Variants in ADSS1 observed in about 807,000 individuals in gnomAD.
ADSS1 encodes the protein adenylosuccinate synthetase isozyme 1.
In ADSS1, 57 loss-of-function variants were observed where a neutral mutation model predicts 59.1. That is an observed-to-expected ratio of 0.97 (90% CI 0.78 to 1.20). The LOEUF (loss-of-function observed/expected upper bound fraction) is 1.20. ADSS1 is among the 50% of genes most tolerant of loss of function. The pLI, the probability that ADSS1 is intolerant of heterozygous loss-of-function variation, is 0.00. For synonymous variants in ADSS1, 247 were observed against 249.4 expected (o/e 0.99, Z 0.09); for missense variants, 603 against 610.3 (o/e 0.99, Z 0.13).
chr14:104,746,115 C>A, intron 11 of ADSS1, 121 bp from the exon 12 acceptor site: 2 of 1,353,378 alleles, frequency 1.5e-6, no homozygotes, highest in Non-Finnish European at 2.0e-6. Flanking sequence ...TTGCTGCCTT[C>A]CTTGCAGCTG....
In ADSS1 at chr14:104,732,273, C is replaced by A. The variant is rs141594802; in HGVS notation, c.193-2747C>A. On this transcript the variant is annotated intron_variant, in intron 1 of 12. Coordinates refer to ENST00000330877, the MANE Select transcript of ADSS1 (RefSeq NM_152328.5). Reference sequence around the variant, plus strand: ...CCTTTGTTCCCCTTTGTCCAGCCCTCCTTGGATGCCTTTGCTGTGGGAATC... The same window carrying A: ...CCTTTGTTCCCCTTTGTCCAGCCCTACTTGGATGCCTTTGCTGTGGGAATC... 5.7e-3 allele frequency among the ~76,000 whole-genome samples: 871 copies of A among 152,300 alleles called. 6 individuals are homozygous for A. The highest frequency in any genetic ancestry group is 0.028 in the South Asian group (133 of 4,828).
At chr14:104,727,040 TGGCCCCTGGC>T (rs1227837917) in intron 1 of ADSS1, among the ~76,000 whole-genome samples, 2 of 152,278 alleles carry the variant, frequency 1.3e-5, no homozygotes, top group East Asian at 3.9e-4. Flanking sequence ...AGCCCCCTGG[TGGCCCCTGGC>T]ACTTGGCAAG....
chr14:104,743,334 C>T (rs866432178), intron 10 of ADSS1, 143 bp downstream of exon 10: 5 of 1,277,910 alleles, frequency 3.9e-6, no homozygotes, highest in Middle Eastern at 1.9e-4. Context: ...TTCCACAAAG[C>T]ACGGCCCAGA....
rs766559463 is a variant in ADSS1, at chr14:104,735,084, C to T, written c.257C>T (p.Pro86Leu). Reference sequence around the variant, plus strand: ...AAAGAGTACGACTTCCACCTGCTGCCCAGCGGCATCATCAACACCAAGGCC... The same window carrying T: ...AAAGAGTACGACTTCCACCTGCTGCTCAGCGGCATCATCAACACCAAGGCC... ...DGKEYDFHLL[P>L]SGIINTKAVS... Residue 86 changes from proline to leucine, a missense_variant, in exon 2 of 13, where the codon CCC becomes CTC. Coordinates refer to ENST00000330877, the MANE Select transcript of ADSS1 (RefSeq NM_152328.5). 2.5e-5 allele frequency: 40 copies of T among 1,613,172 alleles called. No homozygotes were observed. Among genetic ancestry groups the T allele is most frequent in the Non-Finnish European group, 3.4e-5 (40 of 1,179,598 alleles).
intron 1 of ADSS1, chr14:104,729,849 G>A: frequency 8.1e-7 from 1 of 1,230,460 alleles, no homozygotes; most frequent in Non-Finnish European, 1.1e-6. Context: ...GCGTCGTGGG[G>A]AGGAGCGTGG....
intron 2 of ADSS1, 60 bp from the exon 3 acceptor site, chr14:104,738,316 T>C (rs1891201693): frequency 6.4e-7 from 1 of 1,574,302 alleles, no homozygotes; most frequent in African/African-American, 1.3e-5. Flanking sequence ...CTGTTCTTAA[T>C]GTATGTTTTC....
intron 1 of ADSS1, among the ~76,000 whole-genome samples, chr14:104,729,361 G>A (rs547951514): frequency 6.6e-6 from 1 of 152,180 alleles, no homozygotes; most frequent in Non-Finnish European, 1.5e-5. Flanking sequence ...GCTGGGACCC[G>A]CACGGGTGAC....
At chr14:104,745,076 G>T in intron 11 of ADSS1, 167 bp downstream of exon 11, 1 of 636,558 alleles carries the variant, frequency 1.6e-6, no homozygotes, top group Admixed American at 2.6e-5. Flanking sequence ...CCTCTCACGG[G>T]TTTCTCCCCA....
At chr14:104,731,952 G>A (rs1384501514) in intron 1 of ADSS1, among the ~76,000 whole-genome samples, 2 of 152,220 alleles carry the variant, frequency 1.3e-5, no homozygotes, top group African/African-American at 2.4e-5. Flanking sequence ...GACCGGTGGG[G>A]CTGGAGGCAC....
At chr14:104,727,312 A>C in intron 1 of ADSS1, among the ~76,000 whole-genome samples, 1 of 148,600 alleles carries the variant, frequency 6.7e-6, no homozygotes, top group African/African-American at 2.5e-5. Flanking sequence ...TGCATCCCCC[A>C]CCTTCTGACC....
At chr14:104,743,834 C>T (rs972343446) in intron 10 of ADSS1, among the ~76,000 whole-genome samples, 3 of 152,246 alleles carry the variant, frequency 2.0e-5, no homozygotes, top group African/African-American at 7.2e-5. Context: ...GAGGGTGTGG[C>T]GTCTGGGATC....
rs886088214 is a variant in ADSS1 at position 104,727,207 on chromosome 14, G to A, written c.192+2745G>A. Among the ~76,000 whole-genome samples the A allele has an allele frequency of 2.3e-4, 35 of 152,276 alleles. 1 individual carries two copies. Among genetic ancestry groups the A allele is most frequent in the Admixed American group, 1.7e-3 (26 of 15,304 alleles). On this transcript the variant is annotated intron_variant, in intron 1 of 12. Coordinates refer to ENST00000330877, the MANE Select transcript of ADSS1 (RefSeq NM_152328.5). ...GGTCAGAGTGCATCTGGGGGCCCCT[G>A]AGAGTGTCGTCACCTCCCACAGCCT...
In ADSS1 at chr14:104,740,866, G is replaced by A. The variant is rs1036146804; in HGVS notation, c.612G>A (p.Gln204=). Residue 204 remains glutamine, a synonymous_variant, in exon 7 of 13, where the codon CAG becomes CAA. Transcript: ENST00000330877. The surrounding 1 kb of genome is among the most constrained non-coding windows in gnomAD (Gnocchi z 4.8). ...SRFKNLAHQH[Q]SMFPTLEIDI... ...TCAAGAACCTGGCCCACCAGCACCAGTCGATGTTCCCCACCCTGGAAATAG... is the reference window on the plus strand; with the variant it reads ...TCAAGAACCTGGCCCACCAGCACCAATCGATGTTCCCCACCCTGGAAATAG... The A allele has an allele frequency of 1.9e-6, 3 of 1,613,940 alleles. No homozygotes were observed. The Admixed American group carries it at 5.0e-5, about 27-fold the overall frequency.
In ADSS1 at chr14:104,735,077, C is replaced by T; in HGVS notation, c.250C>T (p.Leu84=). ...VVDGKEYDFH[L]LPSGIINTKA... Reference sequence around the variant, plus strand: ...GGATGGGAAAGAGTACGACTTCCACCTGCTGCCCAGCGGCATCATCAACAC... The same window carrying T: ...GGATGGGAAAGAGTACGACTTCCACTTGCTGCCCAGCGGCATCATCAACAC... The change falls in exon 2 of 13, where the codon CTG becomes TTG. Residue 84 remains leucine (L), a synonymous_variant. Coordinates refer to ENST00000330877, the MANE Select transcript of ADSS1 (RefSeq NM_152328.5). 6.2e-7 allele frequency: 1 copy of T among 1,613,458 alleles called. No individual in the cohort carries two copies. Among genetic ancestry groups the T allele is most frequent in the Non-Finnish European group, 8.5e-7 (1 of 1,179,690 alleles).
rs765264298 is a variant in ADSS1 at position 104,740,934 on chromosome 14, C to T, written c.666+14C>T. 372 of 1,613,746 alleles carry T rather than the reference C, an allele frequency of 2.3e-4. No individual in the cohort carries two copies. The highest frequency in any genetic ancestry group is 2.9e-4 in the Non-Finnish European group (345 of 1,179,986). On this transcript the variant is annotated intron_variant, in intron 7 of 12. Transcript: ENST00000330877. This position sits in a 1 kb window ranked among gnomAD's most constrained non-coding sequence, Gnocchi z 4.8. Reference sequence around the variant, plus strand: ...AAAAGGCTCAAGGTGAAGTCGGGGCCGCAGTGTGGGGGCTGCGGAAGTGCT... The same window carrying T: ...AAAAGGCTCAAGGTGAAGTCGGGGCTGCAGTGTGGGGGCTGCGGAAGTGCT...
chr14:104,741,810 G>A (rs779066229), intron 8 of ADSS1, 38 bp from the exon 9 acceptor site: 10 of 1,609,140 alleles, frequency 6.2e-6, no homozygotes, highest in Non-Finnish European at 7.6e-6. Flanking sequence ...ATCTACAGGG[G>A]GTGACAGGTA....
intron 1 of ADSS1, among the ~76,000 whole-genome samples, chr14:104,727,607 A>C (rs1406510947): frequency 6.6e-6 from 1 of 152,092 alleles, no homozygotes; most frequent in African/African-American, 2.4e-5. Flanking sequence ...GGGGGTCCCC[A>C]GGTACCTCCG....
intron 9 of ADSS1, 103 bp downstream of exon 9, chr14:104,742,105 G>A: frequency 2.0e-6 from 3 of 1,471,900 alleles, no homozygotes; most frequent in Admixed American, 1.9e-5. Context: ...TGCGGACCTT[G>A]CCAGTGCCAT....
At chr14:104,724,654 C>T (rs570183378) in intron 1 of ADSS1, among the ~76,000 whole-genome samples, 192 bp downstream of exon 1, 5 of 152,188 alleles carry the variant, frequency 3.3e-5, no homozygotes, top group Admixed American at 1.3e-4. Flanking sequence ...CCGACCCACA[C>T]ACACCGCCCT....
Sources: gnomAD v4.1 joint callset for allele counts (sites outside exome capture counted in the v4.1 genomes callset) on GRCh38, gnomAD v4.1.1 for gene constraint, Gnocchi (gnomAD v3.1) non-coding constraint, MANE v1.5 for transcripts, NCBI Gene and HGNC (gene_info 2026-07-23, HGNC 2026-07-21) for gene names.